Variants in ADAMTSL1 observed in about 807,000 individuals in gnomAD.
The protein encoded by ADAMTSL1 is ADAMTS-like protein 1.
In ADAMTSL1, 126 loss-of-function variants were observed where a neutral mutation model predicts 201.8. The observed-to-expected ratio is 0.62, with a 90% confidence interval of 0.54 to 0.72. ADAMTSL1 has a LOEUF of 0.72. ADAMTSL1 is among the 30% of genes least tolerant of loss of function. ADAMTSL1 has a pLI of 0.00. For missense variants in ADAMTSL1, 2,679 were observed against 2,277.8 expected (o/e 1.18, Z -3.59); for synonymous variants, 1,121 against 903.4 (o/e 1.24, Z -4.32).
intron 2 of ADAMTSL1, among the ~76,000 whole-genome samples, chr9:18,314,998 G>T (rs1050462475): frequency 6.0e-5 from 9 of 150,178 alleles, no homozygotes; most frequent in South Asian, 2.1e-4. Context: ...GGGTTTCACC[G>T]TGTTAGCCAG....
At chr9:18,801,969 A>C (rs1306991114) in intron 20 of ADAMTSL1, among the ~76,000 whole-genome samples, 1 of 152,174 alleles carries the variant, frequency 6.6e-6, no homozygotes, top group Non-Finnish European at 1.5e-5. Context: ...ATACAATTCA[A>C]CAGCTTTTCA....
intron 1 of ADAMTSL1, among the ~76,000 whole-genome samples, chr9:18,024,485 T>G (rs1471247992): frequency 4.6e-5 from 7 of 152,064 alleles, no homozygotes; most frequent in African/African-American, 1.7e-4. Flanking sequence ...ATTCAATGTT[T>G]AGTTCCTACT....
At chr9:18,435,578 C>T (rs1366894215) in intron 2 of ADAMTSL1, among the ~76,000 whole-genome samples, 2 of 152,170 alleles carry the variant, frequency 1.3e-5, no homozygotes, top group African/African-American at 4.8e-5. Context: ...AGGGTTCTGA[C>T]AGAGAGTATT....
chr9:18,260,916 C>G (rs1831893985), intron 2 of ADAMTSL1, among the ~76,000 whole-genome samples: 2 of 151,862 alleles, frequency 1.3e-5, no homozygotes, highest in Non-Finnish European at 2.9e-5. Flanking sequence ...TTTCCTTTCT[C>G]TCGGCTCTGG....
intron 27 of ADAMTSL1, among the ~76,000 whole-genome samples, chr9:18,906,212 G>T (rs1470363543): frequency 6.6e-6 from 1 of 152,164 alleles, no homozygotes; most frequent in Non-Finnish European, 1.5e-5. Context: ...CTGCACAGCG[G>T]CCACCAAGTC....
Position 17,941,057 on chromosome 9 carries a change from G to C in ADAMTSL1, c.87+34135G>C, listed in dbSNP as rs1039102063. 5.3e-5 allele frequency among the ~76,000 whole-genome samples: 8 copies of C among 151,810 alleles called. No individual in the cohort carries two copies. In the East Asian group the frequency reaches 9.8e-4, roughly 19 times the overall value. On this transcript the variant is annotated intron_variant, in intron 1 of 29. Transcript: ENST00000680146. ...TTTTAATAAGAGTCTTTTTATTTTAGGCCTTAACTTGAGACCTTTTAGAGA... is the reference window on the plus strand; with the variant it reads ...TTTTAATAAGAGTCTTTTTATTTTACGCCTTAACTTGAGACCTTTTAGAGA...
At chr9:18,054,405 T>C (rs1812815408) in intron 1 of ADAMTSL1, among the ~76,000 whole-genome samples, 2 of 152,248 alleles carry the variant, frequency 1.3e-5, no homozygotes, top group Non-Finnish European at 2.9e-5. Context: ...GTATTGCTTC[T>C]AATAGCCCAA....
rs763501571 is a variant in ADAMTSL1, at chr9:18,662,088, C to G, written c.1085+15C>G. On this transcript the variant is annotated intron_variant, in intron 9 of 28. Coordinates refer to ENST00000380548, the MANE Select transcript of ADAMTSL1 (RefSeq NM_001040272.6). ...TGTCCAGCCAGGTCAGTCAAATTTG[C>G]TAGTTCATTTGTCATAAACATAACT... 6.2e-7 allele frequency: 1 copy of G among 1,608,978 alleles called. No individual in the cohort carries two copies. Among genetic ancestry groups the G allele is most frequent in the Non-Finnish European group, 8.5e-7 (1 of 1,178,546 alleles).
intron 2 of ADAMTSL1, among the ~76,000 whole-genome samples, chr9:18,387,515 A>G (rs770252305): frequency 6.6e-6 from 1 of 152,190 alleles, no homozygotes; most frequent in African/African-American, 2.4e-5. Flanking sequence ...TCTATAAATC[A>G]TATATAGTAT....
intron 2 of ADAMTSL1, among the ~76,000 whole-genome samples, chr9:18,448,123 A>G (rs1820268647): frequency 6.6e-6 from 1 of 152,230 alleles, no homozygotes; most frequent in African/African-American, 2.4e-5. Flanking sequence ...AGCCTCAGTA[A>G]TAAATTCTTT....
chr9:18,427,927 C>T (rs568970123), intron 2 of ADAMTSL1, among the ~76,000 whole-genome samples: 79 of 152,316 alleles, frequency 5.2e-4, no homozygotes, highest in South Asian at 1.0e-3. Flanking sequence ...AGTAAAATGC[C>T]TCTTCCTTCT....
chr9:18,902,646 A>G (rs1830076240), intron 26 of ADAMTSL1, among the ~76,000 whole-genome samples: 1 of 152,206 alleles, frequency 6.6e-6, no homozygotes, highest in South Asian at 2.1e-4. Flanking sequence ...GCTTACATTA[A>G]AAAAGAAAGA....
intron 2 of ADAMTSL1, among the ~76,000 whole-genome samples, chr9:18,514,531 C>T (rs1818248658): frequency 6.6e-6 from 1 of 151,776 alleles, no homozygotes. Context: ...GGGGTTTCAC[C>T]GTGTTCACCA....
At chr9:18,863,884 A>G (rs990375856) in intron 23 of ADAMTSL1, among the ~76,000 whole-genome samples, 3 of 152,192 alleles carry the variant, frequency 2.0e-5, no homozygotes, top group African/African-American at 7.2e-5. Flanking sequence ...CCAGTTTTGG[A>G]AAATTAAATT....
chr9:18,579,993 A>G (rs942593786), intron 4 of ADAMTSL1, among the ~76,000 whole-genome samples: 1 of 152,154 alleles, frequency 6.6e-6, no homozygotes, highest in African/African-American at 2.4e-5. Context: ...AATAGAGAAA[A>G]GTATGTTTTA....
intron 2 of ADAMTSL1, among the ~76,000 whole-genome samples, chr9:18,390,003 G>A (rs193007545): frequency 3.3e-5 from 5 of 152,144 alleles, no homozygotes; most frequent in African/African-American, 1.2e-4. Context: ...TACAATATGT[G>A]CAATGAGATC....
chr9:18,657,580 A>C lies in ADAMTSL1; in HGVS notation c.835-59A>C. The C allele has an allele frequency of 2.3e-6, 3 of 1,327,002 alleles. No homozygotes were observed. The South Asian group carries it at 3.6e-5, about 16-fold the overall frequency. 82.2% of individuals were successfully genotyped at this position (1,327,002 alleles called of 1,614,324 possible). The stretch of plus-strand genomic sequence containing the variant: ...ACCATATACTCTTGTTCGAAGCTGC[A>C]AGGGACCAGAAAGCACCGCACTGTC... On this transcript the variant is annotated intron_variant, in intron 7 of 28. Coordinates refer to ENST00000380548, the MANE Select transcript of ADAMTSL1 (RefSeq NM_001040272.6).
At chr9:18,666,924 A>G (rs1005460178) in intron 9 of ADAMTSL1, among the ~76,000 whole-genome samples, 2 of 151,814 alleles carry the variant, frequency 1.3e-5, no homozygotes, top group Admixed American at 6.6e-5. Flanking sequence ...TTGTGAGACA[A>G]TCAGAGAACC....
chr9:18,697,769 A>G (rs933198854), intron 13 of ADAMTSL1, among the ~76,000 whole-genome samples: 7 of 152,222 alleles, frequency 4.6e-5, no homozygotes, highest in Admixed American at 6.5e-5. Context: ...TACTTGAGCA[A>G]TTAGGTAGCC....
Sources: allele counts gnomAD v4.1 joint callset (sites outside exome capture counted in the v4.1 genomes callset), GRCh38; gene constraint gnomAD v4.1.1; transcripts MANE v1.5; gene names NCBI Gene and HGNC (gene_info 2026-07-23, HGNC 2026-07-21).